ADAM2: variants seen among roughly 807,000 people sequenced by gnomAD.
ADAM2 encodes the protein ADAM metallopeptidase domain 2.
A neutral mutation model predicts 99.3 loss-of-function variants in ADAM2; 101 were observed. The ratio of observed to expected loss-of-function variants is 1.02; its 90% CI spans 0.87 to 1.20. ADAM2 has a LOEUF of 1.20. Ranked by LOEUF, ADAM2 falls within the 50% of genes most tolerant of loss-of-function variation. ADAM2 has a pLI of 0.00. For missense variants in ADAM2, 948 were observed against 878.7 expected, an observed-to-expected ratio of 1.08 and a Z score of -1.00; for synonymous variants, 323 against 287.6, an observed-to-expected ratio of 1.12 and a Z score of -1.25.
intron 12 of ADAM2, among the ~76,000 whole-genome samples, chr8:39,767,527 C>T (rs1802619163): frequency 6.6e-6 from 1 of 152,162 alleles, no homozygotes; most frequent in African/African-American, 2.4e-5. Flanking sequence ...AGCCAAGTCA[C>T]TGAGAAGAGC....
At chr8:39,761,586 A>C (rs1170464670) in intron 14 of ADAM2, among the ~76,000 whole-genome samples, 1 of 152,340 alleles carries the variant, frequency 6.6e-6, no homozygotes, top group East Asian at 1.9e-4. Flanking sequence ...AGTACGTAGG[A>C]AACTTTTTTC....
At chr8:39,751,872 GC>G (rs1021300607) in intron 16 of ADAM2, among the ~76,000 whole-genome samples, 7 of 151,438 alleles carry the variant, frequency 4.6e-5, no homozygotes, top group Non-Finnish European at 8.8e-5. Context: ...TCACTCTGTT[GC>G]CCAGGCTGGA....
chr8:39,773,897 C>T (rs1802881874), intron 11 of ADAM2, among the ~76,000 whole-genome samples: 1 of 151,826 alleles, frequency 6.6e-6, no homozygotes, highest in Admixed American at 6.6e-5. Context: ...TACTAAAGAT[C>T]TGTATCACTC....
intron 6 of ADAM2, among the ~76,000 whole-genome samples, chr8:39,816,355 T>C (rs958943908): frequency 6.6e-6 from 1 of 152,058 alleles, no homozygotes; most frequent in Non-Finnish European, 1.5e-5. Flanking sequence ...ACAGATGTTG[T>C]TTCAGGAGAT....
chr8:39,789,854 A>C (rs1197553505), intron 7 of ADAM2, among the ~76,000 whole-genome samples: 1 of 151,874 alleles, frequency 6.6e-6, no homozygotes, highest in Non-Finnish European at 1.5e-5. Context: ...ACAAAAAGGC[A>C]ACCTAATTAA....
At chr8:39,811,516 C>T (rs1427297104) in intron 6 of ADAM2, among the ~76,000 whole-genome samples, 1 of 152,114 alleles carries the variant, frequency 6.6e-6, no homozygotes, top group Non-Finnish European at 1.5e-5. Context: ...AACATCAATG[C>T]AAAAATCCTC....
At chr8:39,777,980 A>G (rs1233787489) in intron 10 of ADAM2, among the ~76,000 whole-genome samples, 1 of 148,942 alleles carries the variant, frequency 6.7e-6, no homozygotes, top group Non-Finnish European at 1.5e-5. Flanking sequence ...AGTTGTTTCA[A>G]TTTTATTGGG....
At chr8:39,759,766 A>G (rs1442713988) in intron 15 of ADAM2, among the ~76,000 whole-genome samples, 2 of 152,226 alleles carry the variant, frequency 1.3e-5, no homozygotes, top group East Asian at 1.9e-4. Context: ...CGAAAACTAT[A>G]AAGTTTATTA....
At chr8:39,824,273 TCAA>T (rs1805310868) in intron 4 of ADAM2, among the ~76,000 whole-genome samples, 1 of 80,420 alleles carries the variant, frequency 1.2e-5, no homozygotes, top group African/African-American at 6.4e-5. Flanking sequence ...AAACTCTATC[TCAA>T]AAAAAAAAAA....
intron 18 of ADAM2, among the ~76,000 whole-genome samples, chr8:39,748,095 T>G (rs970664563): frequency 2.0e-5 from 3 of 152,190 alleles, no homozygotes; most frequent in Admixed American, 2.0e-4. Context: ...GCTTATTAGA[T>G]GGTTGTATTT....
At chr8:39,777,623 C>T (rs966299181) in intron 10 of ADAM2, among the ~76,000 whole-genome samples, 4 of 151,768 alleles carry the variant, frequency 2.6e-5, no homozygotes, top group African/African-American at 9.7e-5. Context: ...ATTTCTAGGA[C>T]AATAGTGTTA....
intron 3 of ADAM2, among the ~76,000 whole-genome samples, chr8:39,828,247 A>T (rs1805488164): frequency 6.6e-6 from 1 of 151,852 alleles, no homozygotes; most frequent in African/African-American, 2.4e-5. Context: ...ATGGGGATTT[A>T]AAAATATACA....
At chr8:39,816,557 T>C (rs1804951340) in intron 6 of ADAM2, among the ~76,000 whole-genome samples, 1 of 152,180 alleles carries the variant, frequency 6.6e-6, no homozygotes, top group South Asian at 2.1e-4. Flanking sequence ...ACCAATTTGT[T>C]CATCAGCTTA....
Position 39,767,242 on chromosome 8 carries a change from G to C in ADAM2, c.1222C>G (p.Leu408Val), listed in dbSNP as rs144900135. 1.9e-6 allele frequency: 3 copies of C among 1,606,262 alleles called. No homozygotes were observed. Among genetic ancestry groups the C allele is most frequent in the Non-Finnish European group, 2.5e-6 (3 of 1,177,800 alleles). The stretch of plus-strand genomic sequence containing the variant: ...ATATCACAGCATGTTTCTCCAATAA[G>C]GGCACAATCCTGTAAGGCAAATCAA... ...CDCGTEQDCALIGETCCDIAT... is the reference protein window; with the variant it reads ...CDCGTEQDCAVIGETCCDIAT... The change falls in exon 13 of 21, where the codon CTT becomes GTT. Residue 408 changes from leucine (L) to valine (V), a missense_variant. Transcript: ENST00000265708.
At chr8:39,801,551 G>A (rs779416733) in intron 7 of ADAM2, among the ~76,000 whole-genome samples, 1 of 152,150 alleles carries the variant, frequency 6.6e-6, no homozygotes, top group Non-Finnish European at 1.5e-5. Flanking sequence ...TGGTGGAGAG[G>A]GTGTGTTTTA....
intron 3 of ADAM2, among the ~76,000 whole-genome samples, chr8:39,826,851 A>G (rs183083200): frequency 9.2e-5 from 14 of 152,174 alleles, no homozygotes; most frequent in African/African-American, 3.4e-4. Flanking sequence ...TTTGGATATG[A>G]CTACAAAAGC....
chr8:39,753,286 C>T (rs189076243), intron 16 of ADAM2, among the ~76,000 whole-genome samples: 1 of 152,092 alleles, frequency 6.6e-6, no homozygotes, highest in Non-Finnish European at 1.5e-5. Context: ...CAGCATTTTG[C>T]CCCTGCCCTA....
chr8:39,817,358 A>G (rs995216788), intron 6 of ADAM2, among the ~76,000 whole-genome samples: 1 of 152,042 alleles, frequency 6.6e-6, no homozygotes, highest in African/African-American at 2.4e-5. Context: ...ACGGATGGGG[A>G]AAGGTTGGCT....
intron 7 of ADAM2, among the ~76,000 whole-genome samples, chr8:39,794,369 T>C (rs1803847322): frequency 6.6e-6 from 1 of 152,162 alleles, no homozygotes; most frequent in African/African-American, 2.4e-5. Context: ...GCTTTTCATG[T>C]ACACTTGTTT....
Sources: allele counts gnomAD v4.1 joint callset (sites outside exome capture counted in the v4.1 genomes callset), GRCh38; gene constraint gnomAD v4.1.1; transcripts MANE v1.5; gene names NCBI Gene and HGNC (gene_info 2026-07-23, HGNC 2026-07-21).